Variants in FTCDNL1 observed in about 807,000 individuals in gnomAD.
The protein encoded by FTCDNL1 is formiminotransferase N-terminal subdomain-containing protein.
In FTCDNL1, 11 loss-of-function variants were observed where a neutral mutation model predicts 5.9. That is an observed-to-expected ratio of 1.87 (90% CI 1.18 to 3.10). The LOEUF (loss-of-function observed/expected upper bound fraction) is 3.10. FTCDNL1 is among the 30% of genes most tolerant of loss of function. The pLI is 0.00. For synonymous variants in FTCDNL1, 58 were observed against 24.8 expected, an observed-to-expected ratio of 2.34 and a Z score of -3.99; for missense variants, 115 against 65.5, an observed-to-expected ratio of 1.76 and a Z score of -2.61.
chr2:199,842,216 T>C (rs979959655), intron 3 of FTCDNL1, among the ~76,000 whole-genome samples: 16 of 152,016 alleles, frequency 1.1e-4, no homozygotes, highest in Non-Finnish European at 1.0e-4. Context: ...TGTAGTGAGC[T>C]GAGATTGCAC....
intron 4 of FTCDNL1, among the ~76,000 whole-genome samples, chr2:199,816,006 AAAAG>A (rs59036985): frequency 9.4e-4 from 140 of 148,904 alleles, no homozygotes; most frequent in African/African-American, 2.3e-3. Flanking sequence ...TCTCAAAAAA[AAAAG>A]AAAGAAAGAA....
At chr2:199,730,003 T>C in the FTCDNL1 span, among the ~76,000 whole-genome samples, 1 of 151,906 alleles carries the variant, frequency 6.6e-6, no homozygotes, top group Non-Finnish European at 1.5e-5. Context: ...CCAAAACAGA[T>C]ATATAGACCA....
chr2:199,823,093 G>A (rs537096873), intron 3 of FTCDNL1, among the ~76,000 whole-genome samples: 3 of 152,094 alleles, frequency 2.0e-5, no homozygotes, highest in South Asian at 2.1e-4. Context: ...CAAGTGATCC[G>A]CCAGCTGCAG....
chr2:199,729,050 C>T, the FTCDNL1 span, among the ~76,000 whole-genome samples: 13 of 152,164 alleles, frequency 8.5e-5, no homozygotes, highest in African/African-American at 3.1e-4. Flanking sequence ...AGGCAAAGAG[C>T]CAGGGCCACT....
the FTCDNL1 span, among the ~76,000 whole-genome samples, chr2:199,723,629 C>G: frequency 6.6e-6 from 1 of 152,108 alleles, no homozygotes; most frequent in East Asian, 1.9e-4. Context: ...TTTTCTGCAT[C>G]TATTAAGATA....
the FTCDNL1 span, among the ~76,000 whole-genome samples, chr2:199,687,395 A>G: frequency 6.6e-6 from 1 of 152,234 alleles, no homozygotes; most frequent in African/African-American, 2.4e-5. Context: ...AAAGGAAATG[A>G]AAGTTCCGAT....
chr2:199,707,390 G>C, the FTCDNL1 span, among the ~76,000 whole-genome samples: 523 of 151,694 alleles, frequency 3.4e-3, 2 homozygotes, highest in African/African-American at 0.012. Context: ...ATTACTTCTT[G>C]AATAATCTTT....
At chr2:199,818,316 G>A (rs757098940) in intron 4 of FTCDNL1, 2 of 152,190 alleles carry the variant, frequency 1.3e-5, no homozygotes, top group Non-Finnish European at 2.9e-5. Context: ...TTGGCAGAGA[G>A]CAATCAGTCT....
chr2:199,834,679 CT>C (rs1021105563), intron 3 of FTCDNL1, among the ~76,000 whole-genome samples: 1 of 152,182 alleles, frequency 6.6e-6, no homozygotes, highest in Non-Finnish European at 1.5e-5. Context: ...ATCTGCCTTT[CT>C]CTTCTGTGGG....
At chr2:199,800,974 T>C (rs541773812) in intron 3 of FTCDNL1, among the ~76,000 whole-genome samples, 2 of 152,374 alleles carry the variant, frequency 1.3e-5, no homozygotes, top group African/African-American at 4.8e-5. Context: ...CCACATCCTT[T>C]GCTTACAACC....
chr2:199,784,224 G>C (rs1699521116), intron 3 of FTCDNL1, among the ~76,000 whole-genome samples: 1 of 152,126 alleles, frequency 6.6e-6, no homozygotes, highest in South Asian at 2.1e-4. Context: ...ATGTATTAAA[G>C]ACTCCCAGCA....
chr2:199,837,236 A>G (rs2106620018), intron 3 of FTCDNL1, among the ~76,000 whole-genome samples: 1 of 152,324 alleles, frequency 6.6e-6, no homozygotes, highest in African/African-American at 2.4e-5. Context: ...CTGGAAATCA[A>G]TCTTAATATT....
the FTCDNL1 span, among the ~76,000 whole-genome samples, chr2:199,749,909 T>C: frequency 1.3e-5 from 2 of 151,884 alleles, no homozygotes; most frequent in African/African-American, 4.8e-5. Flanking sequence ...CCATCTTATA[T>C]TCACATCAAA....
chr2:199,717,508 G>GTTTTTTTTTTTTTTTT, the FTCDNL1 span, among the ~76,000 whole-genome samples: 1 of 83,804 alleles, frequency 1.2e-5, no homozygotes, highest in Admixed American at 1.7e-4. Context: ...ACAAGGCAGA[G>GTTTTTTTTTTTTTTTT]ATTTTTTTTT....
intron 3 of FTCDNL1, among the ~76,000 whole-genome samples, chr2:199,840,016 A>G (rs1405792769): frequency 1.3e-5 from 2 of 152,232 alleles, no homozygotes; most frequent in Non-Finnish European, 2.9e-5. Flanking sequence ...AGGGCATCCA[A>G]CATGGAGAAA....
chr2:199,724,413 G>A, the FTCDNL1 span, among the ~76,000 whole-genome samples: 1 of 151,838 alleles, frequency 6.6e-6, no homozygotes, highest in African/African-American at 2.4e-5. Flanking sequence ...GTTATTTCTT[G>A]TTTTCTGCTA....
chr2:199,793,428 C>T (rs1485415899), intron 3 of FTCDNL1, among the ~76,000 whole-genome samples: 1 of 151,948 alleles, frequency 6.6e-6, no homozygotes, highest in Non-Finnish European at 1.5e-5. Context: ...TACCCATCAT[C>T]AATAAAGAGT....
At chr2:199,780,101 G>C (rs2106323257) in intron 3 of FTCDNL1, among the ~76,000 whole-genome samples, 1 of 152,320 alleles carries the variant, frequency 6.6e-6, no homozygotes, top group East Asian at 1.9e-4. Context: ...GGTGCTCTCA[G>C]AAGTGCCTGT....
the FTCDNL1 span, among the ~76,000 whole-genome samples, chr2:199,723,060 C>A: frequency 1.3e-5 from 2 of 151,966 alleles, no homozygotes; most frequent in Non-Finnish European, 1.5e-5. Context: ...AACCCATCAC[C>A]TAAATATTAA....
Sources: allele counts gnomAD v4.1 joint callset (sites outside exome capture counted in the v4.1 genomes callset), GRCh38; gene constraint gnomAD v4.1.1; transcripts MANE v1.5; gene names NCBI Gene and HGNC (gene_info 2026-07-23, HGNC 2026-07-21).